The following CDKL2 variants were observed in gnomAD, a reference collection of about 807,000 sequenced individuals.
The protein encoded by CDKL2 is cyclin dependent kinase like 2, also known as cyclin-dependent kinase-like 2.
CDKL2 carries 64 observed loss-of-function variants against 63.9 expected under a neutral mutation model. The ratio of observed to expected loss-of-function variants is 1.00; its 90% CI spans 0.82 to 1.23. The LOEUF is 1.23. CDKL2 is among the 50% of genes most tolerant of loss of function. CDKL2 has a pLI of 0.00. For synonymous variants in CDKL2, 211 were observed against 229.2 expected, an observed-to-expected ratio of 0.92 and a Z score of 0.72; for missense variants, 656 against 668.0, an observed-to-expected ratio of 0.98 and a Z score of 0.20.
chr4:75,596,295 C>T lies in CDKL2; in HGVS notation c.1368G>A (p.Pro456=), dbSNP rs146029707. 1.9e-6 allele frequency: 3 copies of T among 1,612,526 alleles called. No homozygotes were observed. The highest frequency in any genetic ancestry group is 1.3e-5 in the African/African-American group (1 of 74,986). ...AAATGCCTGATGGGGAATGTCTGTT[C>T]GGTTTAACAAATGGAATAGAACACT... ...TKKCSIPFVK[P]NRHSPSGIYN... Residue 456 remains proline (P), a synonymous_variant, in exon 10 of 14, where the codon CCG becomes CCA. Transcript: ENST00000307465.
chr4:75,596,961 A>G lies in CDKL2; in HGVS notation c.1296T>C (p.Thr432=). 6.2e-7 allele frequency: 1 copy of G among 1,614,088 alleles called. No individual in the cohort carries two copies. The highest frequency in any genetic ancestry group is 8.5e-7 in the Non-Finnish European group (1 of 1,179,922). Residue 432 remains threonine, a synonymous_variant, in exon 9 of 14, where the codon ACT becomes ACC. Coordinates refer to ENST00000307465, the MANE Select transcript of CDKL2 (RefSeq NM_001330724.2). ...VAPSINSGMG[T]ETIPIQGYRV... is the part of the protein sequence containing the mutation. Reference sequence around the variant, plus strand: ...TGTAACCCTGAATTGGTATAGTCTCAGTCCCCATTCCAGAATTAATGCTGG... The same window carrying G: ...TGTAACCCTGAATTGGTATAGTCTCGGTCCCCATTCCAGAATTAATGCTGG...
At chr4:75,587,831 G>A (rs1321670411) in intron 12 of CDKL2, among the ~76,000 whole-genome samples, 2 of 151,230 alleles carry the variant, frequency 1.3e-5, no homozygotes, top group Non-Finnish European at 2.9e-5. Context: ...ATGAACCTGG[G>A]AGGCAGAGCT....
intron 8 of CDKL2, among the ~76,000 whole-genome samples, chr4:75,597,774 G>C (rs1393995747): frequency 6.6e-6 from 1 of 152,182 alleles, no homozygotes; most frequent in Non-Finnish European, 1.5e-5. Flanking sequence ...GATAAGTGGG[G>C]TGAGGGTTGT....
intron 13 of CDKL2, among the ~76,000 whole-genome samples, chr4:75,581,257 A>T (rs1728248669): frequency 6.6e-6 from 1 of 152,176 alleles, no homozygotes; most frequent in African/African-American, 2.4e-5. Context: ...TGATATATGA[A>T]TATTTACTAT....
intron 6 of CDKL2, 111 bp downstream of exon 6, chr4:75,603,706 C>A (rs143881212): frequency 0.028 from 20,641 of 734,144 alleles, 575 homozygotes; most frequent in Non-Finnish European, 0.033. Context: ...CAGAGCAAGA[C>A]TCCATCAAAA....
chr4:75,576,704 G>A lies in CDKL2; in HGVS notation c.*2498C>T, dbSNP rs563924976. On this transcript the variant is annotated 3_prime_UTR_variant, in exon 14 of 14. Coordinates refer to ENST00000307465, the MANE Select transcript of CDKL2 (RefSeq NM_001330724.2). ...TAGAGGAGGACTTAGAAAACAAATC[G>A]ATCACATTTTTCAGTCTAGTCTGAT... is the stretch of plus-strand genomic sequence containing the variant. Among the ~76,000 whole-genome samples the A allele has an allele frequency of 5.3e-5, 8 of 152,196 alleles. No homozygotes were observed. The highest frequency in any genetic ancestry group is 3.4e-3 in the Middle Eastern group (1 of 290).
Position 75,608,195 on chromosome 4 carries a change from G to A in CDKL2, c.364-834C>T, listed in dbSNP as rs1235209233. Among the ~76,000 whole-genome samples, 20 of 141,258 alleles carry A rather than the reference G, an allele frequency of 1.4e-4. No homozygotes were observed. In the East Asian group the frequency reaches 2.1e-3, roughly 15 times the overall value. The allele number at this position is 141,258 out of a possible 152,430, so 92.7% of individuals were successfully genotyped here. A position where few individuals can be genotyped will look rare whatever the true frequency, so the allele number is the denominator to read the frequency against. On this transcript the variant is annotated intron_variant, in intron 3 of 13. Coordinates refer to ENST00000307465, the MANE Select transcript of CDKL2 (RefSeq NM_001330724.2). ...GCTGGAGTGCAATGGCGCGATTTCG[G>A]CTCACTTCAACCTCCGCCTCCTGGG...
chr4:75,594,422 T>C (rs1728829747), intron 10 of CDKL2, among the ~76,000 whole-genome samples: 5 of 151,456 alleles, frequency 3.3e-5, no homozygotes, highest in Non-Finnish European at 1.5e-5. Context: ...CACTCCAGCC[T>C]GGGCGACAGA....
chr4:75,599,538 G>A (rs1478503523), intron 7 of CDKL2, among the ~76,000 whole-genome samples: 3 of 80,032 alleles, frequency 3.7e-5, no homozygotes, highest in African/African-American at 1.4e-4. Flanking sequence ...TCCAGCCTGG[G>A]CAACAAGAGC....
At chr4:75,608,560 C>T (rs1197117473) in intron 3 of CDKL2, among the ~76,000 whole-genome samples, 3 of 152,048 alleles carry the variant, frequency 2.0e-5, no homozygotes, top group Non-Finnish European at 4.4e-5. Flanking sequence ...TTGATGTTGG[C>T]CATAAATGAG....
intron 9 of CDKL2, among the ~76,000 whole-genome samples, 182 bp downstream of exon 9, chr4:75,596,753 T>C (rs1422427519): frequency 6.6e-6 from 1 of 152,254 alleles, no homozygotes; most frequent in Non-Finnish European, 1.5e-5. Flanking sequence ...TGGTGAATTG[T>C]TTTGATCAAA....
intron 12 of CDKL2, among the ~76,000 whole-genome samples, chr4:75,587,196 G>A (rs1428756983): frequency 6.6e-6 from 1 of 151,782 alleles, no homozygotes; most frequent in African/African-American, 2.4e-5. Flanking sequence ...GCTCACGCCT[G>A]TAATCCCAGC....
Position 75,581,858 on chromosome 4 carries a change from A to C in CDKL2, c.1688T>G (p.Leu563Trp), listed in dbSNP as rs1465341326. 6.2e-7 allele frequency: 1 copy of C among 1,613,098 alleles called. No individual in the cohort carries two copies. Among genetic ancestry groups the C allele is most frequent in the Non-Finnish European group, 8.5e-7 (1 of 1,179,372 alleles). ...TCAGTGCTGGTGTTCCATTTGAGGC[A>C]AATCAGCCCCTGAATCATCTGACAG... is the stretch of plus-strand genomic sequence containing the variant. ...PPLSDDSGAD[L>W]PQMEHQH is the part of the protein sequence containing the mutation. The change falls in exon 13 of 14, where the codon TTG (leucine) becomes TGG (tryptophan). Residue 563 changes from leucine to tryptophan, a missense_variant. Transcript: ENST00000307465.
At position 75,599,168 on chromosome 4, in the gene CDKL2, T is replaced by A. The variant is rs1053646516; in HGVS notation, c.885-956A>T. On this transcript the variant is annotated intron_variant, in intron 7 of 13. Coordinates refer to ENST00000307465, the MANE Select transcript of CDKL2 (RefSeq NM_001330724.2). ...TACAAAAGCATGCATGGGTAAAAGA[T>A]CCATTAAAAAGGCAAGACAGACAAA... Among the ~76,000 whole-genome samples, 29 of 152,262 alleles carry A rather than the reference T, an allele frequency of 1.9e-4. No individual in the cohort carries two copies. In the South Asian group the frequency reaches 3.1e-3, roughly 16 times the overall value.
Position 75,615,554 on chromosome 4 carries a change from T to C in CDKL2, c.169-1105A>G, listed in dbSNP as rs557892042. ...ATTCAAGTAAAAGCATGAATGAGCATTCAAGTAAAAACAACATGAGCATTG... is the reference window on the plus strand; with the variant it reads ...ATTCAAGTAAAAGCATGAATGAGCACTCAAGTAAAAACAACATGAGCATTG... On this transcript the variant is annotated intron_variant, in intron 2 of 13. Transcript: ENST00000307465. 2.6e-5 allele frequency among the ~76,000 whole-genome samples: 4 copies of C among 152,318 alleles called. No individual in the cohort carries two copies. The East Asian group carries it at 7.7e-4, about 29-fold the overall frequency.
At chr4:75,611,635 A>G (rs1209639043) in intron 3 of CDKL2, among the ~76,000 whole-genome samples, 1 of 151,488 alleles carries the variant, frequency 6.6e-6, no homozygotes, top group African/African-American at 2.4e-5. Context: ...AATGTTCTGA[A>G]GCTTAGCAGG....
At chr4:75,629,114 C>T (rs962829156) in intron 1 of CDKL2, among the ~76,000 whole-genome samples, 5 of 151,922 alleles carry the variant, frequency 3.3e-5, no homozygotes, top group African/African-American at 1.2e-4. Context: ...TAATTCTATC[C>T]CTTCTTAATT....
chr4:75,591,227 TA>T (rs895654160), intron 12 of CDKL2, among the ~76,000 whole-genome samples: 2 of 151,876 alleles, frequency 1.3e-5, no homozygotes, highest in Admixed American at 6.6e-5. Flanking sequence ...CTACGAAATA[TA>T]AAAAAAACCC....
chr4:75,609,608 T>A (rs13136090), intron 3 of CDKL2, among the ~76,000 whole-genome samples: 35,691 of 146,926 alleles, frequency 0.24, 4,618 homozygotes, highest in Middle Eastern at 0.37. Flanking sequence ...TCTCAAAAAA[T>A]ATATATATAA....
Sources: allele counts gnomAD v4.1 joint callset (sites outside exome capture counted in the v4.1 genomes callset), GRCh38; gene constraint gnomAD v4.1.1; transcripts MANE v1.5; gene names NCBI Gene and HGNC (gene_info 2026-07-23, HGNC 2026-07-21).